The following DRC5 variants were observed in gnomAD, a reference collection of about 807,000 sequenced individuals.
The protein encoded by DRC5 is T-complex-associated testis-expressed protein 1.
At chr6:44,289,042 C>G in the DRC5 span, among the ~76,000 whole-genome samples, 6 of 78,948 alleles carry the variant, frequency 7.6e-5, no homozygotes, top group Admixed American at 4.2e-4. Flanking sequence ...GTGAAATTAG[C>G]TTTTTTTTTT....
At chr6:44,290,208 C>T in the DRC5 span, among the ~76,000 whole-genome samples, 1 of 152,138 alleles carries the variant, frequency 6.6e-6, no homozygotes. Flanking sequence ...GTGGTACCGG[C>T]TGACTTTGCA....
the DRC5 span, among the ~76,000 whole-genome samples, chr6:44,286,888 T>G: frequency 6.6e-6 from 1 of 152,348 alleles, no homozygotes; most frequent in Non-Finnish European, 1.5e-5. Flanking sequence ...ACAAGAAATT[T>G]TTTGAGCACC....
At chr6:44,287,575 A>G in the DRC5 span, 1 of 1,613,340 alleles carries the variant, frequency 6.2e-7, no homozygotes. Flanking sequence ...AATGTGCTGA[A>G]TGCAGAGCTC....
the DRC5 span, among the ~76,000 whole-genome samples, chr6:44,294,772 CA>C: frequency 8.3e-4 from 74 of 88,760 alleles, no homozygotes; most frequent in East Asian, 0.018. Context: ...AACTCTGTCT[CA>C]AAAAAAAAAA....
chr6:44,288,321 G>T, the DRC5 span, among the ~76,000 whole-genome samples: 1 of 152,090 alleles, frequency 6.6e-6, no homozygotes, highest in Non-Finnish European at 1.5e-5. Context: ...TTCAGAAAAG[G>T]CTTTTTCAGA....
chr6:44,292,802 T>C, the DRC5 span, among the ~76,000 whole-genome samples: 137,094 of 152,076 alleles, frequency 0.9, 62,635 homozygotes, highest in East Asian at 1. Flanking sequence ...CTGTTTGCGG[T>C]GGGAGGGAAT....
chr6:44,289,006 A>AAG, the DRC5 span, among the ~76,000 whole-genome samples: 1 of 143,544 alleles, frequency 7.0e-6, no homozygotes, highest in African/African-American at 2.5e-5. Context: ...AAAAAAAAAA[A>AAG]AAAAAAAAAA....
chr6:44,289,072 T>A, the DRC5 span, among the ~76,000 whole-genome samples: 1 of 126,436 alleles, frequency 7.9e-6, no homozygotes, highest in South Asian at 2.9e-4. Flanking sequence ...TGTCTTGCTC[T>A]TGTTGCCCAG....
the DRC5 span, among the ~76,000 whole-genome samples, chr6:44,290,567 TG>T: frequency 6.6e-6 from 1 of 152,180 alleles, no homozygotes; most frequent in African/African-American, 2.4e-5. Context: ...AGGGTGGTGT[TG>T]GGGGCTCATA....
At chr6:44,289,783 C>T in the DRC5 span, among the ~76,000 whole-genome samples, 1 of 152,248 alleles carries the variant, frequency 6.6e-6, no homozygotes, top group Non-Finnish European at 1.5e-5. Context: ...TTTGCCCATT[C>T]CTGCACCCTT....
chr6:44,287,601 G>A, the DRC5 span: 71 of 1,613,978 alleles, frequency 4.4e-5, no homozygotes, highest in Non-Finnish European at 5.8e-5. Context: ...GGAGGGGCAC[G>A]ATGGCCAGTG....
At chr6:44,287,220 G>T in the DRC5 span, 1 of 985,420 alleles carries the variant, frequency 1.0e-6, no homozygotes. Flanking sequence ...AGAGTAGAGG[G>T]CGGTTCACTT....
chr6:44,290,029 G>A, the DRC5 span, among the ~76,000 whole-genome samples: 1 of 152,234 alleles, frequency 6.6e-6, no homozygotes, highest in South Asian at 2.1e-4. Context: ...TGAGAGGCGG[G>A]TGGCAGGGAG....
At chr6:44,294,339 A>T in the DRC5 span, among the ~76,000 whole-genome samples, 2 of 152,236 alleles carry the variant, frequency 1.3e-5, no homozygotes, top group Non-Finnish European at 2.9e-5. Flanking sequence ...TGACAGTTTA[A>T]GTGTGCAGAA....
chr6:44,286,675 G>C, the DRC5 span: 8 of 705,354 alleles, frequency 1.1e-5, no homozygotes, highest in East Asian at 2.6e-5. Context: ...CTGCTCTCAG[G>C]GGGGCTCAAG....
the DRC5 span, among the ~76,000 whole-genome samples, chr6:44,296,275 C>A: frequency 6.6e-6 from 1 of 152,218 alleles, no homozygotes; most frequent in African/African-American, 2.4e-5. Context: ...CTCTCTTGTT[C>A]ACCAATATGG....
chr6:44,290,961 C>T, the DRC5 span, among the ~76,000 whole-genome samples: 1 of 152,228 alleles, frequency 6.6e-6, no homozygotes, highest in Non-Finnish European at 1.5e-5. Context: ...GTTCTTCCTA[C>T]GATCTGGTCC....
the DRC5 span, chr6:44,287,864 T>C: frequency 6.3e-7 from 1 of 1,594,552 alleles, no homozygotes; most frequent in Non-Finnish European, 8.6e-7. Flanking sequence ...GGCCCCTGGA[T>C]GGCCTTATGA....
At chr6:44,281,899 T>C in the DRC5 span, among the ~76,000 whole-genome samples, 18 of 152,354 alleles carry the variant, frequency 1.2e-4, no homozygotes, top group Middle Eastern at 3.4e-3. Flanking sequence ...TACTTAAATA[T>C]ATTTAGGGTT....
Sources: gnomAD v4.1 joint callset for allele counts (sites outside exome capture counted in the v4.1 genomes callset) on GRCh38, gnomAD v4.1.1 for gene constraint, MANE v1.5 for transcripts, NCBI Gene and HGNC (gene_info 2026-07-23, HGNC 2026-07-21) for gene names.